The following AJAP1 variants were observed in gnomAD, a reference collection of about 807,000 sequenced individuals.
AJAP1 encodes adherens junctions associated protein 1.
Under a neutral mutation model 35.0 loss-of-function variants are expected in AJAP1, and 5 were observed. The observed-to-expected ratio is 0.14, with a 90% CI of 0.07 to 0.30. The LOEUF (loss-of-function observed/expected upper bound fraction) is 0.30, where lower values mean the gene tolerates loss of function less well. Ranked by LOEUF, AJAP1 falls within the 10% of genes least tolerant of loss-of-function variation. The probability of loss-of-function intolerance (pLI) is 1.00; values close to 1 mark genes in which losing one functional copy is unlikely to be tolerated. For synonymous variants in AJAP1, 284 were observed against 249.3 expected (o/e 1.14, Z -1.31); for missense variants, 586 against 571.0 (o/e 1.03, Z -0.27).
chr1:4,727,262 G>A (rs549436675), intron 2 of AJAP1, among the ~76,000 whole-genome samples: 1 of 152,294 alleles, frequency 6.6e-6, no homozygotes, highest in African/African-American at 2.4e-5. Flanking sequence ...AGAATAGTGT[G>A]GCCTCTGGCC....
Position 4,685,691 on chromosome 1 carries a change from A to C in AJAP1, c.30-26209A>C, listed in dbSNP as rs536065894. ...GAAGGAGAGGCAAGCTCCACAAAGA[A>C]GGCTCCTTGGCGCCATGTTAGGGTG... On this transcript the variant is annotated intron_variant, in intron 1 of 5. Coordinates refer to ENST00000378191, the MANE Select transcript of AJAP1 (RefSeq NM_018836.4). 2.5e-3 allele frequency among the ~76,000 whole-genome samples: 380 copies of C among 152,356 alleles called. 3 individuals are homozygous for C. The highest frequency in any genetic ancestry group is 5.1e-3 in the Admixed American group (78 of 15,310).
intron 2 of AJAP1, among the ~76,000 whole-genome samples, chr1:4,748,754 A>C (rs406913): frequency 1.5e-5 from 1 of 68,834 alleles, no homozygotes; most frequent in Non-Finnish European, 3.3e-5. Context: ...TCTCAAAAAA[A>C]AAAAAAAAAA....
intron 1 of AJAP1, among the ~76,000 whole-genome samples, chr1:4,667,740 A>G (rs1405164522): frequency 1.3e-5 from 2 of 152,086 alleles, no homozygotes; most frequent in African/African-American, 4.8e-5. Context: ...TCCTTAGAGA[A>G]CCGGACCCCC....
chr1:4,685,860 G>C (rs1158786191), intron 1 of AJAP1, among the ~76,000 whole-genome samples: 2 of 152,220 alleles, frequency 1.3e-5, no homozygotes, highest in African/African-American at 2.4e-5. Flanking sequence ...TCATCCAGAG[G>C]CTGCAGGGCT....
chr1:4,780,886 G>C (rs902647592), intron 5 of AJAP1, among the ~76,000 whole-genome samples: 1 of 151,812 alleles, frequency 6.6e-6, no homozygotes, highest in South Asian at 2.1e-4. Context: ...CACAGCAGCT[G>C]GTCTTCCCAC....
intron 1 of AJAP1, among the ~76,000 whole-genome samples, chr1:4,700,338 C>T (rs891437141): frequency 3.9e-5 from 6 of 152,154 alleles, no homozygotes; most frequent in Non-Finnish European, 8.8e-5. Context: ...GGGTCTTCCA[C>T]AACATACCGA....
intron 2 of AJAP1, among the ~76,000 whole-genome samples, chr1:4,756,472 G>C (rs1296737448): frequency 6.6e-6 from 1 of 152,164 alleles, no homozygotes; most frequent in African/African-American, 2.4e-5. Flanking sequence ...GCCCTCCTGG[G>C]TCAATGTCTC....
intron 2 of AJAP1, among the ~76,000 whole-genome samples, chr1:4,733,517 A>G (rs1332690856): frequency 1.3e-5 from 2 of 150,094 alleles, no homozygotes; most frequent in Admixed American, 1.3e-4. Flanking sequence ...AGCCAAATCA[A>G]CTCAACCCCT....
chr1:4,748,779 G>GAAA (rs1641255545), intron 2 of AJAP1, among the ~76,000 whole-genome samples: 15 of 146,088 alleles, frequency 1.0e-4, no homozygotes, highest in African/African-American at 3.6e-4. Flanking sequence ...AAAAAAGAAT[G>GAAA]GAACCAGGGC....
Position 4,774,574 on chromosome 1 carries a change from T to C in AJAP1, c.*59+16T>C. 6.9e-7 allele frequency: 1 copy of C among 1,439,488 alleles called. No individual in the cohort carries two copies. Among genetic ancestry groups the C allele is most frequent in the Non-Finnish European group, 9.7e-7 (1 of 1,026,374 alleles). 89.2% of individuals were successfully genotyped at this position (1,439,488 alleles called of 1,614,324 possible). ...CTGTTTCACGGTAGGTACCTCTCTT[T>C]GGACATTCCTGTTTTCGTTCCCTTT... On this transcript the variant is annotated intron_variant, in intron 5 of 5. Transcript: ENST00000378191.
intron 2 of AJAP1, among the ~76,000 whole-genome samples, chr1:4,715,144 C>T (rs934257158): frequency 1.3e-5 from 2 of 152,220 alleles, no homozygotes; most frequent in African/African-American, 4.8e-5. Flanking sequence ...TCATCAGATG[C>T]AGACCTGCGC....
At chr1:4,769,747 G>C in intron 2 of AJAP1, 106 bp from the exon 3 acceptor site, 1 of 934,126 alleles carries the variant, frequency 1.1e-6, no homozygotes, top group Non-Finnish European at 1.8e-6. Flanking sequence ...GATGGGACCT[G>C]GCATCCCCAG....
chr1:4,709,027 G>T (rs1239692084), intron 1 of AJAP1, among the ~76,000 whole-genome samples: 1 of 152,236 alleles, frequency 6.6e-6, no homozygotes, highest in African/African-American at 2.4e-5. Context: ...AAATGAGGGG[G>T]TTTCTATAGT....
chr1:4,666,144 G>C (rs896269151), intron 1 of AJAP1, among the ~76,000 whole-genome samples: 1 of 145,768 alleles, frequency 6.9e-6, no homozygotes, highest in Admixed American at 6.8e-5. Flanking sequence ...AGGCTCCTCC[G>C]GCCCACCCAG....
chr1:4,721,474 G>A (rs951797177), intron 2 of AJAP1, among the ~76,000 whole-genome samples: 1 of 152,184 alleles, frequency 6.6e-6, no homozygotes, highest in African/African-American at 2.4e-5. Context: ...CAGGCTGGAC[G>A]GAAGAGTCGG....
intron 1 of AJAP1, among the ~76,000 whole-genome samples, chr1:4,697,425 T>C (rs1174074778): frequency 6.6e-6 from 1 of 152,252 alleles, no homozygotes; most frequent in Admixed American, 6.5e-5. Context: ...CTGTAGGTAA[T>C]GAGTTCCCTG....
At position 4,655,675 on chromosome 1, in the gene AJAP1, G is replaced by C. The variant is rs540990439; in HGVS notation, c.29+221G>C. 3.3e-5 allele frequency among the ~76,000 whole-genome samples: 5 copies of C among 151,352 alleles called. No individual in the cohort carries two copies. The South Asian group carries it at 6.2e-4, about 19-fold the overall frequency. On this transcript the variant is annotated intron_variant, in intron 1 of 5. Transcript: ENST00000378191. This position sits in a 1 kb window ranked among gnomAD's most constrained non-coding sequence, Gnocchi z 6.9. ...CGGGTCTCCAGGGTTCCGCGCGTCCGGGGTCGGGGCAGCGGCGCCCGCCCC... is the reference window on the plus strand; with the variant it reads ...CGGGTCTCCAGGGTTCCGCGCGTCCCGGGTCGGGGCAGCGGCGCCCGCCCC...
At chr1:4,769,828 C>T (rs555946725) in intron 2 of AJAP1, 25 bp from the exon 3 acceptor site, 9 of 1,604,860 alleles carry the variant, frequency 5.6e-6, no homozygotes, top group South Asian at 2.2e-5. Context: ...CACGGGTGCC[C>T]TCTTCCCTCT....
At chr1:4,740,013 G>A (rs1310875402) in intron 2 of AJAP1, among the ~76,000 whole-genome samples, 2 of 152,136 alleles carry the variant, frequency 1.3e-5, no homozygotes, top group African/African-American at 2.4e-5. Flanking sequence ...AGGACCTGAC[G>A]GGGTGTATCT....
Sources: gnomAD v4.1 joint callset for allele counts (sites outside exome capture counted in the v4.1 genomes callset) on GRCh38, gnomAD v4.1.1 for gene constraint, Gnocchi (gnomAD v3.1) non-coding constraint, MANE v1.5 for transcripts, NCBI Gene and HGNC (gene_info 2026-07-23, HGNC 2026-07-21) for gene names.